SYNRG: variants seen among roughly 807,000 people sequenced by gnomAD.
SYNRG encodes AP1 gamma subunit binding protein 1.
SYNRG carries 37 observed loss-of-function variants against 130.9 expected under a neutral mutation model. That is an observed-to-expected ratio of 0.28 (90% CI 0.22 to 0.37). The LOEUF (loss-of-function observed/expected upper bound fraction) is 0.37. Among genes scored for constraint, SYNRG ranks in the 10% least tolerant of loss-of-function variants. The pLI is 1.00. For missense variants in SYNRG, 1,338 were observed against 1,588.9 expected (o/e 0.84, Z 2.68); for synonymous variants, 539 against 568.1 (o/e 0.95, Z 0.73).
intron 15 of SYNRG, chr17:37,541,040 T>C: frequency 1.0e-6 from 1 of 986,300 alleles, no homozygotes; most frequent in Non-Finnish European, 1.2e-6. Flanking sequence ...TGTTCTCTCT[T>C]GCACGGTTTC....
intron 11 of SYNRG, among the ~76,000 whole-genome samples, chr17:37,564,170 T>A (rs1385837452): frequency 1.3e-5 from 2 of 152,108 alleles, no homozygotes; most frequent in South Asian, 2.1e-4. Context: ...TTGTTAACTT[T>A]TCTATGATCA....
intron 6 of SYNRG, among the ~76,000 whole-genome samples, chr17:37,578,143 C>T (rs890101444): frequency 7.9e-5 from 12 of 151,638 alleles, no homozygotes; most frequent in African/African-American, 1.7e-4. Flanking sequence ...CAGCCTGACC[C>T]ACATAATGAA....
intron 14 of SYNRG, 76 bp downstream of exon 14, chr17:37,553,039 C>A: frequency 1.5e-6 from 2 of 1,356,642 alleles, no homozygotes; most frequent in South Asian, 2.5e-5. Flanking sequence ...GAGCCTTACT[C>A]ATGTAAATCA....
At chr17:37,594,169 A>C (rs2062477015) in intron 3 of SYNRG, among the ~76,000 whole-genome samples, 2 of 110,368 alleles carry the variant, frequency 1.8e-5, no homozygotes, top group Admixed American at 1.9e-4. Flanking sequence ...TTTTAATTAT[A>C]TTAATTACAA....
chr17:37,550,244 G>A (rs1037942972), intron 14 of SYNRG, among the ~76,000 whole-genome samples: 1 of 152,144 alleles, frequency 6.6e-6, no homozygotes. Flanking sequence ...ATCATGTAAA[G>A]TAGTGTAAGG....
chr17:37,573,456 T>C (rs936591954), intron 8 of SYNRG, among the ~76,000 whole-genome samples: 5 of 152,132 alleles, frequency 3.3e-5, no homozygotes, highest in African/African-American at 4.8e-5. Context: ...TATACATGCA[T>C]GTATGTTTTC....
At chr17:37,570,042 C>T (rs1456530084) in intron 10 of SYNRG, among the ~76,000 whole-genome samples, 1 of 150,832 alleles carries the variant, frequency 6.6e-6, no homozygotes, top group Non-Finnish European at 1.5e-5. Context: ...AACAATGTTA[C>T]AACAAAAATT....
chr17:37,526,001 C>T (rs138636285), intron 19 of SYNRG, among the ~76,000 whole-genome samples: 1,964 of 152,154 alleles, frequency 0.013, 47 homozygotes, highest in African/African-American at 0.042. Context: ...GACGTGGTGG[C>T]GGGTGCCTGT....
chr17:37,559,790 A>G (rs2059392056), intron 13 of SYNRG, among the ~76,000 whole-genome samples: 1 of 152,210 alleles, frequency 6.6e-6, no homozygotes, highest in Non-Finnish European at 1.5e-5. Flanking sequence ...ATTGTTGAGC[A>G]GTGTAATAAA....
chr17:37,580,510 T>TGTGTGTGTGTGTGTGTGTGTGA (rs1384344164), intron 6 of SYNRG, among the ~76,000 whole-genome samples: 57 of 127,658 alleles, frequency 4.5e-4, no homozygotes, highest in African/African-American at 1.9e-3. Flanking sequence ...TGTGTGTGTG[T>TGTGTGTGTGTGTGTGTGTGTGA]GAGAGAGAGA....
At chr17:37,569,337 G>A (rs1220753175) in intron 10 of SYNRG, among the ~76,000 whole-genome samples, 1 of 150,960 alleles carries the variant, frequency 6.6e-6, no homozygotes, top group East Asian at 1.9e-4. Flanking sequence ...TTGAACCCAG[G>A]AGGCAGAAGT....
intron 9 of SYNRG, 31 bp from the exon 10 acceptor site, chr17:37,570,916 G>T: frequency 1.3e-6 from 2 of 1,598,252 alleles, no homozygotes; most frequent in Non-Finnish European, 1.7e-6. Context: ...ATGGATTAGA[G>T]GATTGTAAAC....
chr17:37,580,296 CTTTTT>C (rs111270719), intron 6 of SYNRG, among the ~76,000 whole-genome samples: 1 of 138,326 alleles, frequency 7.2e-6, no homozygotes, highest in Non-Finnish European at 1.6e-5. Context: ...TACAAAAGAA[CTTTTT>C]TTTTTTTTTT....
intron 19 of SYNRG, chr17:37,529,794 A>G (rs1472648003): frequency 6.4e-7 from 1 of 1,551,576 alleles, no homozygotes; most frequent in Non-Finnish European, 8.7e-7. Context: ...TTTTCTTCTA[A>G]GAGCTCATGG....
intron 7 of SYNRG, among the ~76,000 whole-genome samples, chr17:37,577,019 C>T (rs1413829920): frequency 2.0e-5 from 3 of 152,114 alleles, no homozygotes; most frequent in Non-Finnish European, 4.4e-5. Flanking sequence ...ACTATATTCT[C>T]ATTGGTGACT....
intron 1 of SYNRG, among the ~76,000 whole-genome samples, 185 bp downstream of exon 1, chr17:37,609,087 TCCCGGAA>T (rs2064138978): frequency 6.7e-6 from 1 of 148,554 alleles, no homozygotes; most frequent in African/African-American, 2.5e-5. Flanking sequence ...CCCCAACTGA[TCCCGGAA>T]CACCAGCGTC....
chr17:37,548,930 T>C (rs1297934376), intron 14 of SYNRG, among the ~76,000 whole-genome samples: 3 of 149,704 alleles, frequency 2.0e-5, no homozygotes, highest in Non-Finnish European at 3.0e-5. Flanking sequence ...AGGTCAGGAG[T>C]TCGAGACCAG....
rs543257076 is a variant in SYNRG, at chr17:37,546,238, A to G, written c.2609-3673T>C. ...TGAAGCTAGTATAGATGGATTTTCA[A>G]TTTGATAGCCGAATTCTGAAAATTG... is the stretch of plus-strand genomic sequence containing the variant. On this transcript the variant is annotated intron_variant, in intron 14 of 21. Transcript: ENST00000612223. Among the ~76,000 whole-genome samples, 27 of 152,364 alleles carry G rather than the reference A, an allele frequency of 1.8e-4. No homozygotes were observed. In the South Asian group the frequency reaches 5.6e-3, roughly 32 times the overall value.
chr17:37,570,842 G>C lies in SYNRG; in HGVS notation c.1142C>G (p.Pro381Arg), dbSNP rs1021853509. The C allele has an allele frequency of 6.2e-7, 1 of 1,614,196 alleles. No homozygotes were observed. The highest frequency in any genetic ancestry group is 8.5e-7 in the Non-Finnish European group (1 of 1,180,040). Residue 381 changes from proline (P) to arginine (R), a missense_variant, in exon 10 of 22, where the codon CCA becomes CGA. Transcript: ENST00000612223. Reference protein sequence around the residue: ...AMSPDALNQFPAAPIPTLSGF... With the variant: ...AMSPDALNQFRAAPIPTLSGF... ...ACTTAAAGTTGGAATAGGAGCTGCT[G>C]GGAACTGGTTTAAAGCATCAGGACT...
Sources: allele counts gnomAD v4.1 joint callset (sites outside exome capture counted in the v4.1 genomes callset), GRCh38; gene constraint gnomAD v4.1.1; transcripts MANE v1.5; gene names NCBI Gene and HGNC (gene_info 2026-07-23, HGNC 2026-07-21).